DTNB: variants seen among roughly 807,000 people sequenced by gnomAD.
The protein encoded by DTNB is DTN-B.
Under a neutral mutation model 90.7 loss-of-function variants are expected in DTNB, and 63 were observed. The ratio of observed to expected loss-of-function variants is 0.69; its 90% CI spans 0.57 to 0.86. DTNB has a LOEUF of 0.86. Ranked by LOEUF, DTNB falls within the 40% of genes least tolerant of loss-of-function variation. DTNB has a pLI of 0.00. For missense variants in DTNB, 744 were observed against 807.1 expected (o/e 0.92, Z 0.95); for synonymous variants, 277 against 286.7 (o/e 0.97, Z 0.34).
chr2:25,518,010 G>A (rs2075413938), intron 9 of DTNB, among the ~76,000 whole-genome samples: 1 of 152,094 alleles, frequency 6.6e-6, no homozygotes, highest in South Asian at 2.1e-4. Flanking sequence ...GGTATGTAAA[G>A]CAGTCAAATT....
chr2:25,490,585 G>A (rs962959947), intron 9 of DTNB, among the ~76,000 whole-genome samples: 4 of 151,942 alleles, frequency 2.6e-5, no homozygotes, highest in African/African-American at 9.7e-5. Context: ...ATTTATGGTA[G>A]GATAATTTTG....
chr2:25,642,207 A>G (rs1262965230), intron 2 of DTNB, among the ~76,000 whole-genome samples: 1 of 152,068 alleles, frequency 6.6e-6, no homozygotes, highest in Non-Finnish European at 1.5e-5. Flanking sequence ...GTGTGTGTGT[A>G]TATGTGTATG....
intron 8 of DTNB, among the ~76,000 whole-genome samples, chr2:25,575,093 C>G (rs1162369693): frequency 6.6e-6 from 1 of 151,964 alleles, no homozygotes. Flanking sequence ...AAATTCAAAC[C>G]AGGGGGAATA....
Position 25,639,148 on chromosome 2 carries a change from C to T in DTNB, c.68-54G>A, listed in dbSNP as rs781078464. On this transcript the variant is annotated intron_variant, in intron 2 of 20. Transcript: ENST00000406818. Reference sequence around the variant, plus strand: ...CTAGATTTACCATTTAGTTTCCAAACGCTAGGAAATGACTCCATTCTATTG... The same window carrying T: ...CTAGATTTACCATTTAGTTTCCAAATGCTAGGAAATGACTCCATTCTATTG... 43 of 1,491,734 alleles carry T rather than the reference C, an allele frequency of 2.9e-5. No homozygotes were observed. The East Asian group carries it at 5.4e-4, about 19-fold the overall frequency. The allele number at this position is 1,491,734 out of a possible 1,614,324, so 92.4% of individuals were successfully genotyped here.
intron 8 of DTNB, among the ~76,000 whole-genome samples, chr2:25,572,946 CT>C (rs960897828): frequency 2.0e-4 from 29 of 147,302 alleles, no homozygotes; most frequent in Admixed American, 2.7e-4. Flanking sequence ...ACTTGGGGAA[CT>C]TTTTTTTTTT....
intron 18 of DTNB, among the ~76,000 whole-genome samples, chr2:25,386,292 C>T (rs773973410): frequency 3.9e-5 from 6 of 152,174 alleles, no homozygotes; most frequent in South Asian, 2.1e-4. Flanking sequence ...CTTTCTCCTA[C>T]GAAGGGCTGA....
chr2:25,429,382 C>T (rs1260126149), intron 14 of DTNB, among the ~76,000 whole-genome samples: 1 of 152,106 alleles, frequency 6.6e-6, no homozygotes, highest in African/African-American at 2.4e-5. Flanking sequence ...GTCCTTAGTA[C>T]CACACCTCCT....
At chr2:25,433,285 C>T (rs1401058949) in intron 13 of DTNB, among the ~76,000 whole-genome samples, 1 of 152,232 alleles carries the variant, frequency 6.6e-6, no homozygotes, top group Non-Finnish European at 1.5e-5. Flanking sequence ...TTTATTTACT[C>T]CGTTCCACTC....
chr2:25,516,150 T>A (rs1436925916), intron 9 of DTNB, among the ~76,000 whole-genome samples: 9 of 152,200 alleles, frequency 5.9e-5, no homozygotes, highest in Admixed American at 5.9e-4. Context: ...AGGATGGCTA[T>A]AGTCCAAAGA....
intron 14 of DTNB, among the ~76,000 whole-genome samples, chr2:25,428,361 C>T (rs978321177): frequency 1.3e-5 from 2 of 151,986 alleles, no homozygotes; most frequent in African/African-American, 2.4e-5. Context: ...TTTCTATTCC[C>T]ATTTCTCTCA....
chr2:25,648,993 C>CTTTTTTT (rs60749102), intron 2 of DTNB, among the ~76,000 whole-genome samples: 1 of 94,032 alleles, frequency 1.1e-5, no homozygotes, highest in Non-Finnish European at 2.0e-5. Flanking sequence ...TCCTTCCTAC[C>CTTTTTTT]TTTTTTTTTT....
At chr2:25,455,352 C>T (rs2059847532) in intron 11 of DTNB, 53 bp downstream of exon 11, 1 of 1,505,348 alleles carries the variant, frequency 6.6e-7, no homozygotes, top group Non-Finnish European at 8.9e-7. Flanking sequence ...TAGCAAAGCT[C>T]TCCCTCCCTC....
intron 1 of DTNB, among the ~76,000 whole-genome samples, chr2:25,659,649 G>A (rs551939024): frequency 3.9e-5 from 6 of 152,092 alleles, no homozygotes; most frequent in African/African-American, 1.4e-4. Context: ...TAACAACTCA[G>A]ATAAAACTGA....
At chr2:25,377,805 T>C (rs1305129865) in intron 20 of DTNB, among the ~76,000 whole-genome samples, 6 of 152,016 alleles carry the variant, frequency 3.9e-5, no homozygotes, top group East Asian at 1.9e-4. Flanking sequence ...TTGGGGAGAA[T>C]TGTGGCCCAG....
chr2:25,560,183 C>T (rs1183722480), intron 8 of DTNB, among the ~76,000 whole-genome samples: 4 of 152,082 alleles, frequency 2.6e-5, no homozygotes, highest in African/African-American at 4.8e-5. Context: ...TGGGAGGTTG[C>T]GGTGAGCTGA....
At chr2:25,566,310 A>G (rs910646404) in intron 8 of DTNB, among the ~76,000 whole-genome samples, 6 of 152,326 alleles carry the variant, frequency 3.9e-5, no homozygotes, top group Middle Eastern at 3.4e-3. Context: ...TTGTGCGAAC[A>G]GGGAGCCAGC....
At chr2:25,526,625 AC>A in intron 9 of DTNB, among the ~76,000 whole-genome samples, 1 of 151,880 alleles carries the variant, frequency 6.6e-6, no homozygotes, top group Non-Finnish European at 1.5e-5. Flanking sequence ...CAAACTCCTG[AC>A]CTCAGATGAT....
At chr2:25,668,782 T>A (rs947440720) in intron 1 of DTNB, among the ~76,000 whole-genome samples, 1 of 152,192 alleles carries the variant, frequency 6.6e-6, no homozygotes, top group African/African-American at 2.4e-5. Context: ...CTTGAGTACA[T>A]ACACAAAAGA....
Position 25,432,915 on chromosome 2 carries a change from G to A in DTNB, c.1428C>T (p.Pro476=), listed in dbSNP as rs765692564. The A allele has an allele frequency of 1.2e-6, 2 of 1,609,644 alleles. No homozygotes were observed. The highest frequency in any genetic ancestry group is 2.2e-5 in the East Asian group (1 of 44,844). The part of the protein sequence containing the change: ...QPTPEKAQQN[P]TLLAELRLLR... Reference sequence around the variant, plus strand: ...GCAGCCGCAGCTCTGCCAGCAGCGTGGGGTTCTGCTGTGCCTTCTCAGGGG... The same window carrying A: ...GCAGCCGCAGCTCTGCCAGCAGCGTAGGGTTCTGCTGTGCCTTCTCAGGGG... Residue 476 remains proline (P), a synonymous_variant, in exon 14 of 21, where the codon CCC becomes CCT. Coordinates refer to ENST00000406818, the MANE Select transcript of DTNB (RefSeq NM_021907.5).
Sources: gnomAD v4.1 joint callset for allele counts (sites outside exome capture counted in the v4.1 genomes callset) on GRCh38, gnomAD v4.1.1 for gene constraint, MANE v1.5 for transcripts, NCBI Gene and HGNC (gene_info 2026-07-23, HGNC 2026-07-21) for gene names.